FAM149B1: variants seen among roughly 807,000 people sequenced by gnomAD.
FAM149B1 encodes family with sequence similarity 149 member B1.
FAM149B1 carries 56 observed loss-of-function variants against 75.3 expected under a neutral mutation model. The observed-to-expected ratio is 0.74, with a 90% confidence interval of 0.60 to 0.93. FAM149B1 has a LOEUF of 0.93. FAM149B1 is among the 40% of genes least tolerant of loss of function. The pLI, the probability that FAM149B1 is intolerant of heterozygous loss-of-function variation, is 0.00. For missense variants in FAM149B1, 639 were observed against 708.4 expected, an observed-to-expected ratio of 0.90 and a Z score of 1.11; for synonymous variants, 259 against 256.1, an observed-to-expected ratio of 1.01 and a Z score of -0.11.
intron 5 of FAM149B1, among the ~76,000 whole-genome samples, chr10:73,199,425 G>T (rs1427392174): frequency 1.3e-5 from 2 of 151,986 alleles, no homozygotes; most frequent in Non-Finnish European, 2.9e-5. Context: ...CACTGTGTTT[G>T]CCAGGATGGT....
intron 5 of FAM149B1, among the ~76,000 whole-genome samples, chr10:73,199,063 T>C (rs2042872923): frequency 6.6e-6 from 1 of 152,124 alleles, no homozygotes; most frequent in Admixed American, 6.5e-5. Context: ...ATAAGAAACC[T>C]AGCAAAGTCA....
chr10:73,194,716 A>C (rs1034729243), intron 5 of FAM149B1, among the ~76,000 whole-genome samples: 1 of 147,906 alleles, frequency 6.8e-6, no homozygotes, highest in Non-Finnish European at 1.5e-5. Flanking sequence ...TTGCTCTGTC[A>C]CCAAGGCTGG....
At chr10:73,199,705 A>G (rs1469850773) in intron 5 of FAM149B1, 3 of 152,290 alleles carry the variant, frequency 2.0e-5, no homozygotes, top group Non-Finnish European at 4.4e-5. Context: ...TACAGACATT[A>G]TATAAATTAA....
intron 12 of FAM149B1, among the ~76,000 whole-genome samples, chr10:73,237,386 TTGA>T (rs1455640911): frequency 6.6e-6 from 1 of 152,160 alleles, no homozygotes; most frequent in Non-Finnish European, 1.5e-5. Flanking sequence ...TAAGTAGTAC[TTGA>T]TGATTATATT....
At chr10:73,191,530 G>T (rs1436065565) in intron 3 of FAM149B1, among the ~76,000 whole-genome samples, 1 of 151,960 alleles carries the variant, frequency 6.6e-6, no homozygotes, top group East Asian at 1.9e-4. Flanking sequence ...TAGAGACAGG[G>T]TTTCATCATG....
At chr10:73,212,530 C>T (rs573172476) in intron 7 of FAM149B1, among the ~76,000 whole-genome samples, 1 of 152,326 alleles carries the variant, frequency 6.6e-6, no homozygotes, top group African/African-American at 2.4e-5. Context: ...CCTGCCTCAG[C>T]CTCCCAAAGT....
At chr10:73,187,092 G>GA (rs2042543539) in intron 3 of FAM149B1, among the ~76,000 whole-genome samples, 1 of 151,924 alleles carries the variant, frequency 6.6e-6, no homozygotes. Flanking sequence ...ATCTGAAAAT[G>GA]AAAATTTAAA....
In FAM149B1 at chr10:73,233,084, ACTCTTCATCCGATCAGCACGAG is replaced by A. The variant is rs2043746876; in HGVS notation, c.1275_1296del (p.Leu426IlefsTer34). On this transcript the variant is annotated frameshift_variant, in exon 10 of 14. Coordinates refer to ENST00000242505, the MANE Select transcript of FAM149B1 (RefSeq NM_173348.2). LOFTEE classifies it high-confidence loss of function. The stretch of plus-strand genomic sequence containing the variant: ...CAGGAGACGCAATCCACCACCACGA[ACTCTTCATCCGATCAGCACGAG>A]CCATTCATGTGCTGAAACACCAAGA... The A allele has an allele frequency of 1.9e-6, 3 of 1,551,302 alleles. No homozygotes were observed. In the African/African-American group the frequency reaches 4.1e-5, roughly 21 times the overall value.
chr10:73,209,468 A>G (rs1332635949), intron 6 of FAM149B1, among the ~76,000 whole-genome samples: 1 of 152,160 alleles, frequency 6.6e-6, no homozygotes, highest in African/African-American at 2.4e-5. Flanking sequence ...ACAAAACAAA[A>G]AAGAAAAGAA....
intron 12 of FAM149B1, chr10:73,238,654 CTGATCTCTAAAA>C (rs2043877122): frequency 6.6e-6 from 1 of 152,196 alleles, no homozygotes; most frequent in Admixed American, 6.5e-5. Context: ...TTGCTGACCC[CTGATCTCTAAAA>C]TATAGGGGCT....
Position 73,168,337 on chromosome 10 carries a change from A to G in FAM149B1, c.-3A>G, listed in dbSNP as rs1333498133. On this transcript the variant is annotated 5_prime_UTR_variant, in exon 1 of 14. Coordinates refer to ENST00000242505, the MANE Select transcript of FAM149B1 (RefSeq NM_173348.2). ...GAGGAGGAGGAGGAGGAGGAGGAGG[A>G]GGATGATCTCCAGATACACTCGGAA... The G allele has an allele frequency of 6.5e-7, 1 of 1,549,642 alleles. No individual in the cohort carries two copies. Among genetic ancestry groups the G allele is most frequent in the Non-Finnish European group, 8.7e-7 (1 of 1,146,724 alleles).
At chr10:73,200,417 A>G (rs56175038) in intron 5 of FAM149B1, 10 of 610,882 alleles carry the variant, frequency 1.6e-5, no homozygotes, top group African/African-American at 9.2e-5. Flanking sequence ...TCATGCCTGC[A>G]TTGGTGGAAC....
chr10:73,224,405 A>G (rs1203644240), intron 7 of FAM149B1, among the ~76,000 whole-genome samples: 1 of 152,128 alleles, frequency 6.6e-6, no homozygotes, highest in Non-Finnish European at 1.5e-5. Context: ...CATCAACAGT[A>G]GAATGTGATA....
At chr10:73,170,950 G>C (rs2133290346) in intron 1 of FAM149B1, among the ~76,000 whole-genome samples, 1 of 151,920 alleles carries the variant, frequency 6.6e-6, no homozygotes, top group African/African-American at 2.4e-5. Flanking sequence ...TTATTAACTA[G>C]TATAGTTGTA....
intron 7 of FAM149B1, among the ~76,000 whole-genome samples, chr10:73,215,744 C>T (rs751121571): frequency 3.9e-5 from 6 of 151,942 alleles, no homozygotes; most frequent in African/African-American, 7.3e-5. Context: ...TGTTGATTTC[C>T]GACTTTATTC....
intron 11 of FAM149B1, 29 bp from the exon 12 acceptor site, chr10:73,235,164 T>C (rs2043794064): frequency 6.5e-7 from 1 of 1,549,812 alleles, no homozygotes; most frequent in African/African-American, 1.4e-5. Flanking sequence ...TAGTTTTCAC[T>C]GTTTCTGTAA....
chr10:73,205,093 G>A (rs148185796), intron 5 of FAM149B1, among the ~76,000 whole-genome samples: 1 of 150,140 alleles, frequency 6.7e-6, no homozygotes, highest in Non-Finnish European at 1.5e-5. Context: ...GATTACAGGT[G>A]TGAGCCACCC....
chr10:73,168,233 G>T lies in FAM149B1; in HGVS notation c.-107G>T. 1 of 1,240,622 alleles carries T rather than the reference G, an allele frequency of 8.1e-7. No individual in the cohort carries two copies. The highest frequency in any genetic ancestry group is 1.5e-5 in the South Asian group (1 of 66,600). 76.9% of individuals were successfully genotyped at this position (1,240,622 alleles called of 1,614,324 possible). The stretch of plus-strand genomic sequence containing the variant: ...GCGAGACGGGGCCGGTAGGTGGCGG[G>T]AGGGGCCGGGCCGGAGCCGGCGGGA... On this transcript the variant is annotated 5_prime_UTR_variant, in exon 1 of 14. Coordinates refer to ENST00000242505, the MANE Select transcript of FAM149B1 (RefSeq NM_173348.2).
chr10:73,212,205 C>T (rs2043198936), intron 7 of FAM149B1, among the ~76,000 whole-genome samples: 1 of 152,112 alleles, frequency 6.6e-6, no homozygotes, highest in Admixed American at 6.6e-5. Context: ...TTATCCAGTC[C>T]TCTGTTGATG....
Sources: gnomAD v4.1 joint callset for allele counts (sites outside exome capture counted in the v4.1 genomes callset) on GRCh38, gnomAD v4.1.1 for gene constraint, MANE v1.5 for transcripts, NCBI Gene and HGNC (gene_info 2026-07-23, HGNC 2026-07-21) for gene names.